The following NUP210 variants were observed in gnomAD, a reference collection of about 807,000 sequenced individuals.
NUP210 encodes the protein nucleoporin 210, also known as nuclear pore membrane glycoprotein 210.
In NUP210, 151 loss-of-function variants were observed where a neutral mutation model predicts 196.0. That is an observed-to-expected ratio of 0.77 (90% confidence interval 0.67 to 0.88). The LOEUF (loss-of-function observed/expected upper bound fraction) is 0.88, where lower values mean the gene tolerates loss of function less well. Among genes scored for constraint, NUP210 ranks in the 40% least tolerant of loss-of-function variants. The pLI is 0.00. For missense variants in NUP210, 2,314 were observed against 2,493.7 expected (o/e 0.93, Z 1.53); for synonymous variants, 1,070 against 1,052.7 (o/e 1.02, Z -0.32).
rs1386045593 is a variant in NUP210 at position 13,360,610 on chromosome 3, T to A, written c.1933-119A>T. The A allele has an allele frequency of 3.9e-5, 27 of 690,656 alleles. No homozygotes were observed. In the African/African-American group the frequency reaches 4.0e-4, roughly 10 times the overall value. The allele number at this position is 690,656 out of a possible 1,614,324, so 42.8% of individuals were successfully genotyped here. ...GGGGCTGGTGGTCAGGCAAGCCCCA[T>A]CTCCTGTTTGAAACTCATTCTCGTC... On this transcript the variant is annotated intron_variant, in intron 14 of 39. Coordinates refer to ENST00000254508, the MANE Select transcript of NUP210 (RefSeq NM_024923.4).
At position 13,319,966 on chromosome 3, in the gene NUP210, G is replaced by A. The variant is rs767883849; in HGVS notation, c.5180C>T (p.Ser1727Phe). 6.2e-7 allele frequency: 1 copy of A among 1,613,780 alleles called. No homozygotes were observed. Among genetic ancestry groups the A allele is most frequent in the South Asian group, 1.1e-5 (1 of 91,084 alleles). Residue 1727 changes from serine to phenylalanine, a missense_variant, in exon 37 of 40, where the codon TCC (serine) becomes TTC (phenylalanine). Coordinates refer to ENST00000254508, the MANE Select transcript of NUP210 (RefSeq NM_024923.4). ...VLENLEVKSG[S>F]PAVLAFAKEK... ...CTTTGCGAATGCCAGCACGGCCGGG[G>A]ACCCGGATTTCACCTGGAAGAGACA...
rs1696948353 is a variant in NUP210, at chr3:13,330,449, T to C, written c.4110+11A>G. 1 of 1,612,586 alleles carries C rather than the reference T, an allele frequency of 6.2e-7. No individual in the cohort carries two copies. Among genetic ancestry groups the C allele is most frequent in the East Asian group, 2.2e-5 (1 of 44,860 alleles). On this transcript the variant is annotated intron_variant, in intron 30 of 39. Transcript: ENST00000254508. ...TTCATTACTCCAAAAAGGAGGAGAA[T>C]GCAACCCTACCTTTACAGCAACAAT...
At chr3:13,353,717 G>A in intron 17 of NUP210, 57 bp from the exon 18 acceptor site, 3 of 1,464,566 alleles carry the variant, frequency 2.0e-6, no homozygotes, top group South Asian at 2.3e-5. Flanking sequence ...CACCCCTGAA[G>A]CAGCCCCTCC....
At chr3:13,392,728 C>A (rs1437957943) in intron 3 of NUP210, among the ~76,000 whole-genome samples, 1 of 152,230 alleles carries the variant, frequency 6.6e-6, no homozygotes, top group African/African-American at 2.4e-5. Context: ...TTCTTCTGCA[C>A]ACTGAGCTGA....
At chr3:13,318,720 C>A (rs1260687384) in intron 39 of NUP210, among the ~76,000 whole-genome samples, 1 of 152,160 alleles carries the variant, frequency 6.6e-6, no homozygotes, top group African/African-American at 2.4e-5. Flanking sequence ...TCAGAACTAC[C>A]CAGAATCCCC....
At chr3:13,343,094 C>T (rs1044767309) in intron 21 of NUP210, 81 bp downstream of exon 21, 12 of 1,540,804 alleles carry the variant, frequency 7.8e-6, no homozygotes, top group South Asian at 5.9e-5. Flanking sequence ...AAAGGCCATG[C>T]GGAACATTCC....
intron 19 of NUP210, 26 bp from the exon 20 acceptor site, chr3:13,352,006 T>C (rs772248897): frequency 8.7e-5 from 139 of 1,606,740 alleles, no homozygotes; most frequent in Non-Finnish European, 1.1e-4. Flanking sequence ...GCAGGGAGGG[T>C]TGGGCCGCAT....
At position 13,348,907 on chromosome 3, in the gene NUP210, T is replaced by G. The variant is rs953331309; in HGVS notation, c.2835+2972A>C. ...AAACAAAAAAACTGAATTAAAAAAC[T>G]TATTAAACAGGGGGTGTTTCACACA... On this transcript the variant is annotated intron_variant, in intron 20 of 39. Transcript: ENST00000254508. The surrounding 1 kb of genome is among the most constrained non-coding windows in gnomAD (Gnocchi z 4.0). The G allele has an allele frequency of 2.1e-6, 2 of 951,510 alleles. No homozygotes were observed. The highest frequency in any genetic ancestry group is 4.8e-5 in the South Asian group (1 of 20,752). 58.9% of individuals were successfully genotyped at this position (951,510 alleles called of 1,614,324 possible).
chr3:13,342,472 T>G (rs1697551363), intron 21 of NUP210, among the ~76,000 whole-genome samples: 1 of 152,178 alleles, frequency 6.6e-6, no homozygotes, highest in Non-Finnish European at 1.5e-5. Flanking sequence ...CAGTAAGAAC[T>G]TTAGGAAATA....
chr3:13,321,002 T>A (rs1320117377), intron 36 of NUP210, among the ~76,000 whole-genome samples: 1 of 151,986 alleles, frequency 6.6e-6, no homozygotes, highest in East Asian at 1.9e-4. Flanking sequence ...TCCTCCCTCA[T>A]CAGCGATGCT....
At chr3:13,345,488 A>G (rs557854461) in intron 20 of NUP210, among the ~76,000 whole-genome samples, 3 of 152,148 alleles carry the variant, frequency 2.0e-5, no homozygotes, top group Non-Finnish European at 4.4e-5. Context: ...GAGGAGGGAG[A>G]GTGGACAAAA....
chr3:13,420,260 C>G lies in NUP210; in HGVS notation c.-34G>C. The G allele has an allele frequency of 9.4e-7, 1 of 1,058,586 alleles. No homozygotes were observed. The highest frequency in any genetic ancestry group is 4.4e-5 in the South Asian group (1 of 22,816). 65.6% of individuals were successfully genotyped at this position (1,058,586 alleles called of 1,614,324 possible). A position where few individuals can be genotyped will look rare whatever the true frequency, so the allele number is the denominator to read the frequency against. The stretch of plus-strand genomic sequence containing the variant: ...CGCGTCACCTCCCGCGACCCTGCGC[C>G]CGGCCGCCCGCGCCGCCCCGTTGCC... On this transcript the variant is annotated 5_prime_UTR_variant, in exon 1 of 40. Coordinates refer to ENST00000254508, the MANE Select transcript of NUP210 (RefSeq NM_024923.4). This position sits in a 1 kb window ranked among gnomAD's most constrained non-coding sequence, Gnocchi z 4.8.
At chr3:13,391,444 T>A (rs1439647249) in intron 3 of NUP210, 137 bp from the exon 4 acceptor site, 1 of 648,128 alleles carries the variant, frequency 1.5e-6, no homozygotes, top group Admixed American at 2.3e-5. Context: ...ATAAACTGTA[T>A]GTCAGGAGAG....
chr3:13,387,752 C>T (rs1699323247), intron 5 of NUP210, among the ~76,000 whole-genome samples: 1 of 152,192 alleles, frequency 6.6e-6, no homozygotes, highest in Non-Finnish European at 1.5e-5. Flanking sequence ...TAGACCCACT[C>T]CTCACTCTCC....
Position 13,340,672 on chromosome 3 carries a change from T to A in NUP210, c.3229-374A>T, listed in dbSNP as rs1283244139. ...AATGTCAGCAGCGCCTGGGGACACA[T>A]TAGCAATGTACAGCCCCAGCCACCT... On this transcript the variant is annotated intron_variant, in intron 23 of 39. Transcript: ENST00000254508. This position sits in a 1 kb window ranked among gnomAD's most constrained non-coding sequence, Gnocchi z 4.0. 6.6e-6 allele frequency among the ~76,000 whole-genome samples: 1 copy of A among 152,092 alleles called. No individual in the cohort carries two copies. Among genetic ancestry groups the A allele is most frequent in the Non-Finnish European group, 1.5e-5 (1 of 67,988 alleles).
intron 26 of NUP210, 71 bp from the exon 27 acceptor site, chr3:13,336,989 C>T: frequency 6.3e-7 from 1 of 1,590,186 alleles, no homozygotes; most frequent in Non-Finnish European, 8.6e-7. Flanking sequence ...AGCTTTGCTG[C>T]CTCCTTCAAG....
At chr3:13,352,246 G>T (rs1450019369) in intron 18 of NUP210, 62 bp from the exon 19 acceptor site, 4 of 1,293,770 alleles carry the variant, frequency 3.1e-6, no homozygotes, top group East Asian at 2.4e-5. Flanking sequence ...CCCTCGGGAA[G>T]AACAGGCCCA....
chr3:13,374,904 C>A (rs531692372), intron 11 of NUP210, among the ~76,000 whole-genome samples: 1 of 152,304 alleles, frequency 6.6e-6, no homozygotes, highest in Admixed American at 6.5e-5. Context: ...CTGCACTGAC[C>A]ACGAGGACTC....
In NUP210 at chr3:13,394,932, G is replaced by A. The variant is rs542589362; in HGVS notation, c.436+2425C>T. On this transcript the variant is annotated intron_variant, in intron 3 of 39. Transcript: ENST00000254508. ...GGTACTCATCAAAGTATTTCGGGGC[G>A]AGGAGGACCAAGTAGAAAGCATGAT... 4.6e-5 allele frequency among the ~76,000 whole-genome samples: 7 copies of A among 152,334 alleles called. No individual in the cohort carries two copies. The East Asian group carries it at 7.7e-4, about 17-fold the overall frequency.
Sources: gnomAD v4.1 joint callset for allele counts (sites outside exome capture counted in the v4.1 genomes callset) on GRCh38, gnomAD v4.1.1 for gene constraint, Gnocchi (gnomAD v3.1) non-coding constraint, MANE v1.5 for transcripts, NCBI Gene and HGNC (gene_info 2026-07-23, HGNC 2026-07-21) for gene names.